Variants in DACH2 observed in about 807,000 individuals in gnomAD.
DACH2 encodes dachshund family transcription factor 2.
Under a neutral mutation model 35.8 loss-of-function variants are expected in DACH2, and 17 were observed. The ratio of observed to expected loss-of-function variants is 0.48; its 90% confidence interval spans 0.33 to 0.71. The LOEUF (loss-of-function observed/expected upper bound fraction) is 0.71, where lower values mean the gene tolerates loss of function less well. DACH2 is among the 30% of genes least tolerant of loss of function. The probability of loss-of-function intolerance (pLI) is 0.02; values close to 1 mark genes in which losing one functional copy is unlikely to be tolerated. For synonymous variants in DACH2, 195 were observed against 177.3 expected, an observed-to-expected ratio of 1.10 and a Z score of -0.79; for missense variants, 469 against 472.7, an observed-to-expected ratio of 0.99 and a Z score of 0.07.
chrX:86,281,103 CAG>C (rs1300297738), intron 1 of DACH2, among the ~76,000 whole-genome samples: 1 of 111,197 alleles, frequency 9.0e-6, no homozygotes, highest in Non-Finnish European at 1.9e-5. Context: ...GAAAACCTAA[CAG>C]ATATCTACAG....
intron 2 of DACH2, among the ~76,000 whole-genome samples, chrX:86,458,456 G>A (rs953487217): frequency 1.8e-5 from 2 of 111,403 alleles, no homozygotes; most frequent in Non-Finnish European, 3.8e-5. Flanking sequence ...TATAACAAAA[G>A]AGAACACTTG....
intron 7 of DACH2, among the ~76,000 whole-genome samples, chrX:86,772,728 C>T (rs1056718486): frequency 9.0e-6 from 1 of 111,319 alleles, no homozygotes; most frequent in African/African-American, 3.3e-5. Context: ...TATATTTCTA[C>T]TTCCATTGCA....
intron 7 of DACH2, among the ~76,000 whole-genome samples, chrX:86,760,122 T>G (rs1383663811): frequency 9.0e-6 from 1 of 111,667 alleles, no homozygotes; most frequent in Non-Finnish European, 1.9e-5. Context: ...CTTCTGTTTT[T>G]AGAATTTTAT....
intron 1 of DACH2, among the ~76,000 whole-genome samples, chrX:86,338,049 C>G (rs2035347519): frequency 9.0e-6 from 1 of 111,697 alleles, no homozygotes; most frequent in Admixed American, 9.5e-5. Context: ...AATACGGGAG[C>G]ACTCAAATTC....
chrX:86,753,851 C>A (rs2041799766), intron 7 of DACH2, among the ~76,000 whole-genome samples: 1 of 109,940 alleles, frequency 9.1e-6, no homozygotes, highest in Admixed American at 9.7e-5. Context: ...ATTCAGCATC[C>A]ACACCTTACT....
At chrX:86,313,149 C>T (rs1051314504) in intron 1 of DACH2, among the ~76,000 whole-genome samples, 29 of 110,073 alleles carry the variant, frequency 2.6e-4, no homozygotes, top group African/African-American at 9.6e-4. Flanking sequence ...CACACTGCAC[C>T]CCATAAACTT....
intron 1 of DACH2, among the ~76,000 whole-genome samples, chrX:86,219,714 G>A (rs140717637): frequency 0.037 from 4,138 of 110,561 alleles, 82 homozygotes; most frequent in South Asian, 0.068. Context: ...TTGCATATCT[G>A]CATATATGTA....
At chrX:86,599,518 CAA>C (rs1351803067) in intron 3 of DACH2, among the ~76,000 whole-genome samples, 1 of 97,226 alleles carries the variant, frequency 1.0e-5, no homozygotes, top group Non-Finnish European at 2.1e-5. Flanking sequence ...TTCTTTCTTT[CAA>C]AGAGTCTCTC....
intron 2 of DACH2, among the ~76,000 whole-genome samples, chrX:86,381,266 C>A (rs1053611432): frequency 1.8e-5 from 2 of 110,674 alleles, no homozygotes; most frequent in African/African-American, 6.5e-5. Flanking sequence ...AATGAATGAT[C>A]TGTTTGAAGA....
intron 3 of DACH2, among the ~76,000 whole-genome samples, chrX:86,529,826 T>C (rs992840272): frequency 3.1e-4 from 34 of 110,636 alleles, no homozygotes; most frequent in African/African-American, 1.1e-3. Flanking sequence ...TGTTTGCCTT[T>C]CTGTGCATAA....
At chrX:86,484,986 A>G (rs1373497526) in intron 2 of DACH2, among the ~76,000 whole-genome samples, 1 of 111,740 alleles carries the variant, frequency 8.9e-6, no homozygotes, top group Non-Finnish European at 1.9e-5. Context: ...GTTGATAGAG[A>G]TACAGCTGTC....
chrX:86,224,575 G>GTT (rs201728115), intron 1 of DACH2, among the ~76,000 whole-genome samples: 22 of 105,514 alleles, frequency 2.1e-4, no homozygotes, highest in African/African-American at 7.8e-4. Context: ...GCACATGACA[G>GTT]TTTTTTTTTT....
At chrX:86,450,854 C>T (rs1302931757) in intron 2 of DACH2, among the ~76,000 whole-genome samples, 1 of 110,882 alleles carries the variant, frequency 9.0e-6, no homozygotes, top group Non-Finnish European at 1.9e-5. Flanking sequence ...TGTTTGTTGG[C>T]CATATGTATG....
At chrX:86,295,477 A>T (rs1215945615) in intron 1 of DACH2, among the ~76,000 whole-genome samples, 1 of 111,157 alleles carries the variant, frequency 9.0e-6, no homozygotes, top group Non-Finnish European at 1.9e-5. Flanking sequence ...GCCCAGTTTA[A>T]CACTTCGGCT....
At chrX:86,547,486 T>TTTAG (rs1556304903) in intron 3 of DACH2, among the ~76,000 whole-genome samples, 1 of 31,229 alleles carries the variant, frequency 3.2e-5, no homozygotes, top group Non-Finnish European at 8.0e-5. Flanking sequence ...ATGGTGCCAT[T>TTTAG]TCACATTTTA....
intron 11 of DACH2, among the ~76,000 whole-genome samples, chrX:86,817,116 G>T (rs1012019539): frequency 1.8e-5 from 2 of 111,611 alleles, no homozygotes; most frequent in Non-Finnish European, 3.8e-5. Flanking sequence ...AACCAGAAAT[G>T]TTAGCTCTCA....
chrX:86,306,556 C>T (rs1395655606), intron 1 of DACH2, among the ~76,000 whole-genome samples: 1 of 111,577 alleles, frequency 9.0e-6, no homozygotes, highest in Admixed American at 9.5e-5. Context: ...TGGGCAAAAT[C>T]TAATCAGCTT....
intron 2 of DACH2, among the ~76,000 whole-genome samples, chrX:86,472,946 A>C (rs1460524063): frequency 9.0e-6 from 1 of 111,714 alleles, no homozygotes; most frequent in African/African-American, 3.2e-5. Flanking sequence ...ATTATAGCCA[A>C]GGAGGTGACA....
At chrX:86,243,381 T>C (rs189855288) in intron 1 of DACH2, among the ~76,000 whole-genome samples, 151 of 112,188 alleles carry the variant, frequency 1.3e-3, no homozygotes, top group Non-Finnish European at 2.3e-3. Context: ...TTAATTTGTT[T>C]CACTATAATA....
Sources: allele counts gnomAD v4.1 joint callset (sites outside exome capture counted in the v4.1 genomes callset), GRCh38; gene constraint gnomAD v4.1.1; transcripts MANE v1.5; gene names NCBI Gene and HGNC (gene_info 2026-07-23, HGNC 2026-07-21).